Variants in CHSY3 observed in about 807,000 individuals in gnomAD.
The protein encoded by CHSY3 is chondroitin sulfate synthase 3, also known as N-acetylgalactosaminyl-proteoglycan 3-beta-glucuronosyltransferase 3.
CHSY3 carries 35 observed loss-of-function variants against 67.2 expected under a neutral mutation model. The ratio of observed to expected loss-of-function variants is 0.52; its 90% CI spans 0.40 to 0.69. The LOEUF (loss-of-function observed/expected upper bound fraction) is 0.69, where lower values mean the gene tolerates loss of function less well. CHSY3 is among the 30% of genes least tolerant of loss of function. The probability of loss-of-function intolerance (pLI) is 0.00; values close to 1 mark genes in which losing one functional copy is unlikely to be tolerated. For synonymous variants in CHSY3, 474 were observed against 434.7 expected, an observed-to-expected ratio of 1.09 and a Z score of -1.12; for missense variants, 1,069 against 1,138.5, an observed-to-expected ratio of 0.94 and a Z score of 0.88.
Position 129,974,432 on chromosome 5 carries a change from AC to A in CHSY3, c.1086+66077del, listed in dbSNP as rs565163987. Among the ~76,000 whole-genome samples, 36 of 152,008 alleles carry A rather than the reference AC, an allele frequency of 2.4e-4. No homozygotes were observed. In the South Asian group the frequency reaches 4.4e-3, roughly 18 times the overall value. Reference sequence around the variant, plus strand: ...ATAAAATGTGTTTATACTCACCCCTACCCCCAGTGCCCTTAATATAGTTTCT... The same window carrying A: ...ATAAAATGTGTTTATACTCACCCCTACCCCAGTGCCCTTAATATAGTTTCT... On this transcript the variant is annotated intron_variant, in intron 2 of 2. Coordinates refer to ENST00000305031, the MANE Select transcript of CHSY3 (RefSeq NM_175856.5).
At chr5:129,928,332 A>G (rs1761184772) in intron 2 of CHSY3, among the ~76,000 whole-genome samples, 3 of 151,828 alleles carry the variant, frequency 2.0e-5, no homozygotes, top group South Asian at 2.1e-4. Flanking sequence ...TTAATCTAGA[A>G]CTGTATCTAA....
At chr5:130,024,099 A>G (rs2149655639) in intron 2 of CHSY3, among the ~76,000 whole-genome samples, 1 of 149,080 alleles carries the variant, frequency 6.7e-6, no homozygotes, top group East Asian at 2.0e-4. Context: ...CTATTTAATA[A>G]TCAGATGTTG....
intron 2 of CHSY3, among the ~76,000 whole-genome samples, chr5:130,042,624 A>T (rs767122354): frequency 6.6e-6 from 1 of 152,026 alleles, no homozygotes; most frequent in Non-Finnish European, 1.5e-5. Flanking sequence ...AGATTTTTTT[A>T]TTTTTTAACC....
intron 2 of CHSY3, among the ~76,000 whole-genome samples, chr5:129,979,921 T>G (rs1220086620): frequency 2.6e-5 from 4 of 152,202 alleles, no homozygotes; most frequent in African/African-American, 9.6e-5. Flanking sequence ...TTTTAATGGC[T>G]TAATAACTCA....
intron 2 of CHSY3, among the ~76,000 whole-genome samples, chr5:130,113,705 C>G (rs1424549429): frequency 6.6e-6 from 1 of 152,130 alleles, no homozygotes; most frequent in African/African-American, 2.4e-5. Context: ...GACAGGTCTA[C>G]ATGAGAGACC....
At position 130,185,108 on chromosome 5, in the gene CHSY3, A is replaced by G; in HGVS notation, c.1966A>G (p.Ile656Val). 6.2e-7 allele frequency: 1 copy of G among 1,600,516 alleles called. No individual in the cohort carries two copies. Among genetic ancestry groups the G allele is most frequent in the Non-Finnish European group, 8.6e-7 (1 of 1,167,620 alleles). ...LIPKQNVKLV[I>V]ILFSRDSGQD... The stretch of plus-strand genomic sequence containing the variant: ...CCCAAAGCAGAATGTAAAGTTGGTC[A>G]TTATCCTTTTCAGTAGGGATTCTGG... The change falls in exon 3 of 3, where the codon ATT (isoleucine) becomes GTT (valine). Residue 656 changes from isoleucine (I) to valine (V), a missense_variant. Ile to Val is a conservative substitution (Grantham distance 29). Around this residue, in one of 5 missense-constraint regions of CHSY3, gnomAD observed 401 missense variants for 395.2 expected, o/e 1.01. Coordinates refer to ENST00000305031, the MANE Select transcript of CHSY3 (RefSeq NM_175856.5).
intron 2 of CHSY3, among the ~76,000 whole-genome samples, chr5:130,038,267 G>A (rs76378727): frequency 6.6e-6 from 1 of 152,056 alleles, no homozygotes; most frequent in Non-Finnish European, 1.5e-5. Context: ...TTGAGGGACA[G>A]TGAAAAAGGT....
intron 2 of CHSY3, among the ~76,000 whole-genome samples, chr5:130,085,116 C>A (rs768048926): frequency 6.6e-6 from 1 of 151,958 alleles, no homozygotes; most frequent in Non-Finnish European, 1.5e-5. Context: ...TATTGGAATG[C>A]CCCTGGCCAA....
chr5:130,026,071 A>G (rs1166589559), intron 2 of CHSY3, among the ~76,000 whole-genome samples: 1 of 152,154 alleles, frequency 6.6e-6, no homozygotes, highest in African/African-American at 2.4e-5. Context: ...GATGTGAAGG[A>G]AATTTCATAG....
intron 2 of CHSY3, among the ~76,000 whole-genome samples, chr5:130,148,463 A>G (rs1561559490): frequency 2.0e-5 from 3 of 152,192 alleles, no homozygotes; most frequent in Admixed American, 1.3e-4. Context: ...TCTCTGATGA[A>G]TCACCACACT....
At chr5:129,910,833 A>G (rs1284045704) in intron 2 of CHSY3, among the ~76,000 whole-genome samples, 2 of 152,050 alleles carry the variant, frequency 1.3e-5, no homozygotes, top group Non-Finnish European at 2.9e-5. Flanking sequence ...ATTCTCAGTA[A>G]AGGTGAGATT....
chr5:129,998,658 A>T (rs550441108), intron 2 of CHSY3, among the ~76,000 whole-genome samples: 1 of 152,218 alleles, frequency 6.6e-6, no homozygotes, highest in African/African-American at 2.4e-5. Flanking sequence ...TCTGATTATT[A>T]AAAAAGCCAG....
At chr5:129,907,135 T>C (rs1049412234) in intron 1 of CHSY3, among the ~76,000 whole-genome samples, 1 of 152,232 alleles carries the variant, frequency 6.6e-6, no homozygotes, top group African/African-American at 2.4e-5. Context: ...TTGCCACATT[T>C]TGCAGGGAAT....
At chr5:130,061,476 C>T (rs979529811) in intron 2 of CHSY3, among the ~76,000 whole-genome samples, 2 of 152,042 alleles carry the variant, frequency 1.3e-5, no homozygotes, top group Non-Finnish European at 2.9e-5. Context: ...GGAAAAAATT[C>T]TTTTCGACAT....
chr5:130,163,359 G>T (rs1031139704), intron 2 of CHSY3, among the ~76,000 whole-genome samples: 5 of 152,000 alleles, frequency 3.3e-5, no homozygotes, highest in East Asian at 1.9e-4. Context: ...TATAGTAATT[G>T]TTTGTTTTGG....
At chr5:129,964,418 A>T (rs1175516209) in intron 2 of CHSY3, among the ~76,000 whole-genome samples, 1 of 151,850 alleles carries the variant, frequency 6.6e-6, no homozygotes, top group Non-Finnish European at 1.5e-5. Flanking sequence ...GAGGGTAATT[A>T]TAAATACCCT....
chr5:130,035,474 G>A (rs1764836785), intron 2 of CHSY3, among the ~76,000 whole-genome samples: 1 of 152,094 alleles, frequency 6.6e-6, no homozygotes, highest in Non-Finnish European at 1.5e-5. Flanking sequence ...AGGTATTGCA[G>A]AGAAAAACAA....
rs1427118117 is a variant in CHSY3, at chr5:130,143,800, ATATATG to A, written c.1087-40427_1087-40422del. ...TATATATGTGTATATATATATATAT[ATATATG>A]TGTGTATATATATATATATATATAT... On this transcript the variant is annotated intron_variant, in intron 2 of 2. Transcript: ENST00000305031. Among the ~76,000 whole-genome samples the A allele has an allele frequency of 2.9e-4, 23 of 79,380 alleles. 2 individuals carry two copies. In the South Asian group the frequency reaches 4.0e-3, roughly 14 times the overall value. 52.1% of individuals were successfully genotyped at this position (79,380 alleles called of 152,430 possible).
intron 2 of CHSY3, among the ~76,000 whole-genome samples, chr5:129,976,587 T>G (rs2149618193): frequency 6.6e-6 from 1 of 152,238 alleles, no homozygotes; most frequent in African/African-American, 2.4e-5. Flanking sequence ...CATGAATTTG[T>G]ATTCCTTTAG....
Sources: gnomAD v4.1 joint callset for allele counts (sites outside exome capture counted in the v4.1 genomes callset) on GRCh38, gnomAD v4.1.1 for gene constraint, gnomAD v4.1.1 regional missense constraint, MANE v1.5 for transcripts, NCBI Gene and HGNC (gene_info 2026-07-23, HGNC 2026-07-21) for gene names.